Variants in ACVR2A observed in about 807,000 individuals in gnomAD.
ACVR2A encodes activin A receptor type 2A.
In ACVR2A, 7 loss-of-function variants were observed where a neutral mutation model predicts 61.4. The observed-to-expected ratio is 0.11, with a 90% CI of 0.06 to 0.21. The LOEUF (loss-of-function observed/expected upper bound fraction) is 0.21. ACVR2A is among the 10% of genes least tolerant of loss of function. The pLI is 1.00. For synonymous variants in ACVR2A, 193 were observed against 208.3 expected, an observed-to-expected ratio of 0.93 and a Z score of 0.63; for missense variants, 322 against 621.7, an observed-to-expected ratio of 0.52 and a Z score of 5.13.
intron 4 of ACVR2A, among the ~76,000 whole-genome samples, chr2:147,905,645 T>C (rs1686971662): frequency 6.6e-6 from 1 of 152,062 alleles, no homozygotes; most frequent in Admixed American, 6.6e-5. Context: ...CCTTGGTGTG[T>C]GATTATTTTT....
At chr2:147,910,172 G>A (rs779207420) in intron 4 of ACVR2A, among the ~76,000 whole-genome samples, 5 of 151,888 alleles carry the variant, frequency 3.3e-5, no homozygotes, top group Non-Finnish European at 7.4e-5. Context: ...CTTGTTCTTG[G>A]TGTCAGTTTG....
intron 2 of ACVR2A, chr2:147,898,397 T>C (rs1331277040): frequency 1.3e-5 from 2 of 152,166 alleles, no homozygotes; most frequent in Non-Finnish European, 2.9e-5. Flanking sequence ...ATTTGAGACA[T>C]GATTTTAAAT....
intron 1 of ACVR2A, among the ~76,000 whole-genome samples, chr2:147,893,311 C>T (rs1686636022): frequency 6.6e-6 from 1 of 152,126 alleles, no homozygotes; most frequent in Non-Finnish European, 1.5e-5. Context: ...TTTTAGTTTT[C>T]AGAGATTATC....
chr2:147,851,657 C>A (rs985238952), intron 1 of ACVR2A, among the ~76,000 whole-genome samples: 1 of 152,028 alleles, frequency 6.6e-6, no homozygotes. Context: ...GTCACTCAAC[C>A]CAGATTGAGT....
At position 147,870,623 on chromosome 2, in the gene ACVR2A, C is replaced by T. The variant is rs1685990138; in HGVS notation, c.55+25416C>T. Among the ~76,000 whole-genome samples, 4 of 152,128 alleles carry T rather than the reference C, an allele frequency of 2.6e-5. No individual in the cohort carries two copies. In the South Asian group the frequency reaches 8.3e-4, roughly 31 times the overall value. On this transcript the variant is annotated intron_variant, in intron 1 of 10. Transcript: ENST00000241416. Reference sequence around the variant, plus strand: ...GTCAGTATGCAGTAACTCTGAATATCATAGATAATTGTCGTGAGTCTTTTA... The same window carrying T: ...GTCAGTATGCAGTAACTCTGAATATTATAGATAATTGTCGTGAGTCTTTTA...
intron 1 of ACVR2A, among the ~76,000 whole-genome samples, chr2:147,875,530 C>T (rs181945331): frequency 2.0e-5 from 3 of 152,010 alleles, no homozygotes; most frequent in Non-Finnish European, 4.4e-5. Flanking sequence ...GAGCCCCAGA[C>T]GAACAGTACA....
chr2:147,847,839 A>C (rs189132412), intron 1 of ACVR2A, among the ~76,000 whole-genome samples: 216 of 152,188 alleles, frequency 1.4e-3, no homozygotes, highest in African/African-American at 4.9e-3. Flanking sequence ...ATTGTGGTTT[A>C]TTTGTGTCTT....
At chr2:147,870,974 A>G (rs536404250) in intron 1 of ACVR2A, among the ~76,000 whole-genome samples, 1 of 152,196 alleles carries the variant, frequency 6.6e-6, no homozygotes, top group South Asian at 2.1e-4. Context: ...CCAATAAGCT[A>G]TAAATTATTT....
chr2:147,918,728 A>G, intron 7 of ACVR2A, 136 bp downstream of exon 7: 2 of 747,808 alleles, frequency 2.7e-6, no homozygotes, highest in Non-Finnish European at 3.9e-6. Flanking sequence ...TTTGTTTTTT[A>G]AAATTAGCTT....
At chr2:147,880,893 G>A (rs909703939) in intron 1 of ACVR2A, among the ~76,000 whole-genome samples, 1 of 152,132 alleles carries the variant, frequency 6.6e-6, no homozygotes, top group African/African-American at 2.4e-5. Context: ...TCCTGCCCAG[G>A]GGTGGAAGGG....
chr2:147,922,173 C>CT (rs1558815123), intron 8 of ACVR2A, among the ~76,000 whole-genome samples: 276 of 152,050 alleles, frequency 1.8e-3, no homozygotes, highest in African/African-American at 6.4e-3. Flanking sequence ...TTAATGTGTT[C>CT]TCCTTGAACT....
intron 1 of ACVR2A, among the ~76,000 whole-genome samples, chr2:147,864,400 T>G (rs1685802885): frequency 6.6e-6 from 1 of 152,082 alleles, no homozygotes; most frequent in African/African-American, 2.4e-5. Context: ...CCGCTAATTT[T>G]TTTTGTATTT....
chr2:147,883,115 A>G (rs1686348640), intron 1 of ACVR2A, among the ~76,000 whole-genome samples: 1 of 152,240 alleles, frequency 6.6e-6, no homozygotes, highest in African/African-American at 2.4e-5. Flanking sequence ...GACTGCCTCT[A>G]GGATGTGTAT....
rs566001654 is a variant in ACVR2A, at chr2:147,858,745, C to T, written c.55+13538C>T. Among the ~76,000 whole-genome samples the T allele has an allele frequency of 1.9e-4, 29 of 152,310 alleles. 1 individual carries two copies. The South Asian group carries it at 4.1e-3, about 22-fold the overall frequency. On this transcript the variant is annotated intron_variant, in intron 1 of 10. Coordinates refer to ENST00000241416, the MANE Select transcript of ACVR2A (RefSeq NM_001616.5). ...ATAGTATTTTAGGCAGTCCCTTTTG[C>T]AGTTTCTCAGCTGTGCCAGCTGTAA...
intron 1 of ACVR2A, among the ~76,000 whole-genome samples, chr2:147,873,236 A>G (rs1476946504): frequency 6.6e-6 from 1 of 152,048 alleles, no homozygotes; most frequent in East Asian, 1.9e-4. Context: ...AAGAAATGCA[A>G]TGCCAGCAGC....
chr2:147,869,715 GTAAC>G (rs1424843664), intron 1 of ACVR2A, among the ~76,000 whole-genome samples: 3 of 152,168 alleles, frequency 2.0e-5, no homozygotes, highest in African/African-American at 7.2e-5. Flanking sequence ...TACCAGCTGA[GTAAC>G]TAAGAAATCC....
intron 1 of ACVR2A, among the ~76,000 whole-genome samples, chr2:147,871,551 T>C (rs903808946): frequency 6.6e-6 from 1 of 152,126 alleles, no homozygotes; most frequent in Non-Finnish European, 1.5e-5. Context: ...ATATCAGATA[T>C]ATCAATATTT....
intron 1 of ACVR2A, among the ~76,000 whole-genome samples, chr2:147,850,239 G>C (rs1364658): frequency 0.26 from 39,513 of 151,798 alleles, 5,965 homozygotes; most frequent in East Asian, 0.46. Flanking sequence ...GTGGAACCCA[G>C]TTGTGGCTTA....
Position 147,930,289 on chromosome 2 carries a change from T to TA in ACVR2A, c.*3015_*3016insA, listed in dbSNP as rs1687641006. The stretch of plus-strand genomic sequence containing the variant: ...CAGCTACATTTAAGTAAAATGCAGG[T>TA]GGTAGGGGAAAAAAAACCATGGCGA... On this transcript the variant is annotated 3_prime_UTR_variant, in exon 11 of 11. Transcript: ENST00000241416. 7 of 151,076 alleles carry TA rather than the reference T, an allele frequency of 4.6e-5. No homozygotes were observed. The South Asian group carries it at 1.5e-3, about 32-fold the overall frequency. 9.4% of individuals were successfully genotyped at this position (151,076 alleles called of 1,614,324 possible).
Sources: allele counts gnomAD v4.1 joint callset (sites outside exome capture counted in the v4.1 genomes callset), GRCh38; gene constraint gnomAD v4.1.1; transcripts MANE v1.5; gene names NCBI Gene and HGNC (gene_info 2026-07-23, HGNC 2026-07-21).